The following CAST variants were observed in gnomAD, a reference collection of about 807,000 sequenced individuals.
CAST encodes the protein calpastatin.
In CAST, 76 loss-of-function variants were observed where a neutral mutation model predicts 119.6. The observed-to-expected ratio is 0.64, with a 90% CI of 0.53 to 0.77. The LOEUF is 0.77. Among genes scored for constraint, CAST ranks in the 30% least tolerant of loss-of-function variants. CAST has a pLI of 0.00. For synonymous variants in CAST, 319 were observed against 331.6 expected (o/e 0.96, Z 0.41); for missense variants, 953 against 946.5 (o/e 1.01, Z -0.09).
chr5:96,556,785 G>T (rs1329971221), intron 1 of CAST, among the ~76,000 whole-genome samples: 2 of 152,208 alleles, frequency 1.3e-5, no homozygotes, highest in African/African-American at 2.4e-5. Context: ...AAAACACTCT[G>T]CAGGATATTA....
At chr5:96,193,120 A>G in the CAST span, among the ~76,000 whole-genome samples, 1 of 152,194 alleles carries the variant, frequency 6.6e-6, no homozygotes, top group Non-Finnish European at 1.5e-5. Context: ...TATTGTCAAT[A>G]TAGTTTAAGC....
the CAST span, among the ~76,000 whole-genome samples, chr5:96,221,676 G>C: frequency 1.3e-5 from 2 of 151,930 alleles, no homozygotes; most frequent in African/African-American, 4.8e-5. Flanking sequence ...TAAAATGACT[G>C]TGCTGCTCAA....
At chr5:96,376,137 T>C in the CAST span, among the ~76,000 whole-genome samples, 3 of 151,268 alleles carry the variant, frequency 2.0e-5, no homozygotes, top group Admixed American at 6.6e-5. Context: ...TATACAGTCA[T>C]ATAATGCATA....
chr5:95,992,747 G>A, the CAST span, among the ~76,000 whole-genome samples: 1 of 152,142 alleles, frequency 6.6e-6, no homozygotes, highest in Non-Finnish European at 1.5e-5. Flanking sequence ...AGTAATGTAA[G>A]ATAATAATAT....
chr5:96,495,135 A>AAAAAC, the CAST span, among the ~76,000 whole-genome samples: 18 of 146,514 alleles, frequency 1.2e-4, no homozygotes, highest in East Asian at 4.0e-4. Context: ...AAAAAAAAAA[A>AAAAAC]AAAAAGTGTG....
chr5:96,129,734 A>C, the CAST span, among the ~76,000 whole-genome samples: 4 of 152,276 alleles, frequency 2.6e-5, no homozygotes, highest in African/African-American at 9.6e-5. Flanking sequence ...ATTAAGAACA[A>C]TATGACTTTG....
At chr5:96,516,903 T>C in the CAST span, among the ~76,000 whole-genome samples, 1 of 152,218 alleles carries the variant, frequency 6.6e-6, no homozygotes, top group South Asian at 2.1e-4. Context: ...ACCACAGCAA[T>C]GATTTTCTTT....
At chr5:96,483,811 C>G in the CAST span, among the ~76,000 whole-genome samples, 2 of 152,044 alleles carry the variant, frequency 1.3e-5, no homozygotes, top group Non-Finnish European at 2.9e-5. Context: ...TGTGACAACC[C>G]TTCAAAAATA....
chr5:96,068,804 A>C, the CAST span, among the ~76,000 whole-genome samples: 7 of 151,110 alleles, frequency 4.6e-5, no homozygotes, highest in Admixed American at 2.0e-4. Flanking sequence ...TATATGTATA[A>C]AATATATTTT....
At chr5:96,645,801 G>A (rs1368261840) in intron 1 of CAST, among the ~76,000 whole-genome samples, 8 of 150,912 alleles carry the variant, frequency 5.3e-5, no homozygotes, top group Non-Finnish European at 1.0e-4. Flanking sequence ...CCTCTCTAAA[G>A]GTCTAGACAC....
chr5:96,241,558 T>C, the CAST span, among the ~76,000 whole-genome samples: 1 of 149,130 alleles, frequency 6.7e-6, no homozygotes, highest in Non-Finnish European at 1.5e-5. Flanking sequence ...GCATGATTTA[T>C]AGTCCTTTGG....
At chr5:95,996,993 T>G in the CAST span, among the ~76,000 whole-genome samples, 1 of 152,150 alleles carries the variant, frequency 6.6e-6, no homozygotes, top group East Asian at 1.9e-4. Flanking sequence ...GACAGGAATA[T>G]TGAAAATAGT....
chr5:96,124,392 T>C, the CAST span, among the ~76,000 whole-genome samples: 1 of 152,164 alleles, frequency 6.6e-6, no homozygotes, highest in Non-Finnish European at 1.5e-5. Flanking sequence ...CAGAAACTTT[T>C]ATTAAGACAG....
the CAST span, among the ~76,000 whole-genome samples, chr5:96,186,291 A>C: frequency 5.3e-5 from 8 of 152,176 alleles, no homozygotes; most frequent in African/African-American, 1.9e-4. Flanking sequence ...TGTCATCTGC[A>C]AACAAAGATA....
At chr5:96,726,047 C>A (rs1759186212) in intron 4 of CAST, among the ~76,000 whole-genome samples, 1 of 152,076 alleles carries the variant, frequency 6.6e-6, no homozygotes, top group Non-Finnish European at 1.5e-5. Context: ...ACTTTAGCCT[C>A]TTCAAATAAA....
At chr5:96,238,362 T>A in the CAST span, among the ~76,000 whole-genome samples, 482 of 104,400 alleles carry the variant, frequency 4.6e-3, 3 homozygotes, top group African/African-American at 0.016. Flanking sequence ...CATCTTCTTC[T>A]TCTCCTTCTT....
At chr5:96,276,358 A>G in the CAST span, among the ~76,000 whole-genome samples, 1 of 152,246 alleles carries the variant, frequency 6.6e-6, no homozygotes, top group Non-Finnish European at 1.5e-5. Context: ...GTCAACATAC[A>G]AACAGCAATA....
At chr5:96,734,781 C>T (rs1761288296) in intron 9 of CAST, among the ~76,000 whole-genome samples, 1 of 152,114 alleles carries the variant, frequency 6.6e-6, no homozygotes, top group Non-Finnish European at 1.5e-5. Flanking sequence ...AGATAGATGT[C>T]AGAGGAACTG....
the CAST span, among the ~76,000 whole-genome samples, chr5:96,366,485 C>A: frequency 6.6e-6 from 1 of 152,216 alleles, no homozygotes; most frequent in African/African-American, 2.4e-5. Context: ...TAGATTTGGT[C>A]TTTTCACATA....
Sources: allele counts gnomAD v4.1 joint callset (sites outside exome capture counted in the v4.1 genomes callset), GRCh38; gene constraint gnomAD v4.1.1; transcripts MANE v1.5; gene names NCBI Gene and HGNC (gene_info 2026-07-23, HGNC 2026-07-21).